Variants in LIPK observed in about 807,000 individuals in gnomAD.
LIPK encodes lipase member K.
In LIPK, 32 loss-of-function variants were observed where a neutral mutation model predicts 48.6. That is an observed-to-expected ratio of 0.66 (90% confidence interval 0.50 to 0.88). The LOEUF is 0.88. Among genes scored for constraint, LIPK ranks in the 40% least tolerant of loss-of-function variants. LIPK has a pLI of 0.00. For missense variants in LIPK, 507 were observed against 478.5 expected (o/e 1.06, Z -0.56); for synonymous variants, 164 against 157.4 (o/e 1.04, Z -0.32).
In LIPK at chr10:88,752,690, A is replaced by G. The variant is rs2134809029; in HGVS notation, c.1134A>G (p.Gly378=). Residue 378 remains glycine, a synonymous_variant, in exon 10 of 10, where the codon GGA becomes GGG. Transcript: ENST00000404190. Reference sequence around the variant, plus strand: ...ACAATCATGTGGATTTTTACCTTGGAGAGGATGCACCTCAGGAAATTTACC... The same window carrying G: ...ACAATCATGTGGATTTTTACCTTGGGGAGGATGCACCTCAGGAAATTTACC... ...PHYNHVDFYL[G]EDAPQEIYQD... 1.1e-5 allele frequency: 17 copies of G among 1,576,600 alleles called. No individual in the cohort carries two copies. The highest frequency in any genetic ancestry group is 1.4e-5 in the Non-Finnish European group (16 of 1,158,560).
At chr10:88,719,947 C>T (rs1301693100) in intron 1 of LIPK, among the ~76,000 whole-genome samples, 1 of 152,122 alleles carries the variant, frequency 6.6e-6, no homozygotes, top group Admixed American at 6.5e-5. Flanking sequence ...ACATATAATC[C>T]ACATGCATTT....
chr10:88,732,529 C>T lies in LIPK; in HGVS notation c.647C>T (p.Thr216Ile), dbSNP rs1312822816. Reference protein sequence around the residue: ...YTQSPMKKLTTLSRRVVKVLF... With the variant: ...YTQSPMKKLTILSRRVVKVLF... Reference sequence around the variant, plus strand: ...CAAAGTCCTATGAAAAAACTAACAACCCTTTCCAGGCGAGTAGTTAAGGTA... The same window carrying T: ...CAAAGTCCTATGAAAAAACTAACAATCCTTTCCAGGCGAGTAGTTAAGGTA... The change falls in exon 6 of 10, where the codon ACC becomes ATC. Residue 216 changes from threonine (T) to isoleucine (I), a missense_variant. Physicochemically the swap from Thr to Ile is moderately conservative, Grantham distance 89. Coordinates refer to ENST00000404190, the MANE Select transcript of LIPK (RefSeq NM_001080518.2). 17 of 1,611,294 alleles carry T rather than the reference C, an allele frequency of 1.1e-5. No homozygotes were observed. Among genetic ancestry groups the T allele is most frequent in the Non-Finnish European group, 1.4e-5 (16 of 1,179,272 alleles).
chr10:88,737,520 A>T, intron 6 of LIPK, 115 bp from the exon 7 acceptor site: 1 of 1,031,154 alleles, frequency 9.7e-7, no homozygotes, highest in Non-Finnish European at 1.4e-6. Context: ...TTCACTAAGG[A>T]CCAACACTGA....
chr10:88,727,304 C>A (rs1184060706), intron 3 of LIPK, among the ~76,000 whole-genome samples: 1 of 152,218 alleles, frequency 6.6e-6, no homozygotes, highest in Non-Finnish European at 1.5e-5. Flanking sequence ...AAATTTCTCC[C>A]TAATCTGACA....
intron 5 of LIPK, 28 bp from the exon 6 acceptor site, chr10:88,732,387 T>C (rs1842485388): frequency 1.3e-6 from 2 of 1,599,266 alleles, no homozygotes; most frequent in Non-Finnish European, 1.7e-6. Context: ...ATCTGAAAAC[T>C]ATGAACTACT....
intron 9 of LIPK, among the ~76,000 whole-genome samples, chr10:88,747,316 A>G (rs943262644): frequency 6.6e-6 from 1 of 152,216 alleles, no homozygotes; most frequent in Admixed American, 6.5e-5. Context: ...CACAATGAAT[A>G]AAGAAAACTT....
At chr10:88,716,316 G>A (rs1842115908) in intron 1 of LIPK, among the ~76,000 whole-genome samples, 1 of 150,460 alleles carries the variant, frequency 6.6e-6, no homozygotes, top group African/African-American at 2.4e-5. Context: ...TAAGAGATTG[G>A]CAATAGAGTT....
intron 7 of LIPK, among the ~76,000 whole-genome samples, chr10:88,738,230 C>T (rs560241849): frequency 1.3e-5 from 2 of 152,312 alleles, no homozygotes; most frequent in South Asian, 4.1e-4. Flanking sequence ...TCTTCAACAA[C>T]AGCTACAAAT....
intron 3 of LIPK, chr10:88,728,484 G>A (rs1201820626): frequency 1.4e-5 from 3 of 219,858 alleles, no homozygotes; most frequent in Non-Finnish European, 2.8e-5. Flanking sequence ...AGAACGCAGA[G>A]CAGCGTGGGG....
intron 9 of LIPK, among the ~76,000 whole-genome samples, chr10:88,751,315 T>A (rs575538548): frequency 6.6e-6 from 1 of 152,188 alleles, no homozygotes; most frequent in Non-Finnish European, 1.5e-5. Flanking sequence ...AAAGTAGTCA[T>A]GAATGATACT....
At chr10:88,721,278 A>T (rs2134706014) in intron 1 of LIPK, among the ~76,000 whole-genome samples, 1 of 152,332 alleles carries the variant, frequency 6.6e-6, no homozygotes, top group Non-Finnish European at 1.5e-5. Flanking sequence ...AGGTCAAAGA[A>T]ATAAAAAAAC....
At chr10:88,737,898 T>C (rs405147) in intron 7 of LIPK, 117 bp downstream of exon 7, 237,370 of 1,068,632 alleles carry the variant, frequency 0.22, 27,333 homozygotes, top group East Asian at 0.38. Flanking sequence ...ATTTGGAATG[T>C]AATTAGTACA....
chr10:88,722,102 A>T (rs1842236032), intron 1 of LIPK, among the ~76,000 whole-genome samples: 1 of 152,204 alleles, frequency 6.6e-6, no homozygotes, highest in Non-Finnish European at 1.5e-5. Context: ...GTTCGAGACC[A>T]GCCTGACCAA....
chr10:88,709,983 G>C (rs992287352), intron 1 of LIPK, among the ~76,000 whole-genome samples: 2 of 151,958 alleles, frequency 1.3e-5, no homozygotes, highest in Non-Finnish European at 2.9e-5. Flanking sequence ...TGTATTTCTT[G>C]AAAGTTATTG....
intron 1 of LIPK, among the ~76,000 whole-genome samples, chr10:88,722,889 C>CTTTTCTTTTT (rs1554954607): frequency 4.4e-5 from 5 of 113,204 alleles, no homozygotes; most frequent in East Asian, 2.9e-4. Flanking sequence ...TTTCTTTTTT[C>CTTTTCTTTTT]TTTTTTTTTT....
chr10:88,728,557 A>G, intron 3 of LIPK: 1 of 431,832 alleles, frequency 2.3e-6, no homozygotes, highest in Non-Finnish European at 4.6e-6. Context: ...TAGCGGACCA[A>G]ACAGGAGAGG....
chr10:88,725,122 ATATC>A (rs1485318143), intron 2 of LIPK, among the ~76,000 whole-genome samples: 5 of 152,260 alleles, frequency 3.3e-5, no homozygotes, highest in Non-Finnish European at 5.9e-5. Flanking sequence ...CAAATGACAA[ATATC>A]TACTACAGAA....
Position 88,743,291 on chromosome 10 carries a change from C to G in LIPK, c.930C>G (p.Asn310Lys). ...SGQLQAFDWG[N>K]SDQNMMHFHQ... ...AGCTCCAAGCTTTTGATTGGGGAAA[C>G]TCTGATCAGAACATGATGCACTTCC... Residue 310 changes from asparagine to lysine, a missense_variant, in exon 9 of 10, where the codon AAC becomes AAG. By Grantham distance (94) the Asn-to-Lys change is moderately conservative (BLOSUM62 0). Coordinates refer to ENST00000404190, the MANE Select transcript of LIPK (RefSeq NM_001080518.2). The G allele has an allele frequency of 6.3e-7, 1 of 1,594,280 alleles. No individual in the cohort carries two copies.
intron 1 of LIPK, among the ~76,000 whole-genome samples, chr10:88,719,971 TA>T (rs1842191407): frequency 6.6e-6 from 1 of 152,204 alleles, no homozygotes; most frequent in Admixed American, 6.5e-5. Context: ...ATACAATATG[TA>T]AACCCAGTAT....
Sources: gnomAD v4.1 joint callset for allele counts (sites outside exome capture counted in the v4.1 genomes callset) on GRCh38, gnomAD v4.1.1 for gene constraint, MANE v1.5 for transcripts, NCBI Gene and HGNC (gene_info 2026-07-23, HGNC 2026-07-21) for gene names.